The following SIMC1 variants were observed in gnomAD, a reference collection of about 807,000 sequenced individuals.
SIMC1 encodes SUMO-interacting motif-containing protein 1.
In SIMC1, 55 loss-of-function variants were observed where a neutral mutation model predicts 82.3. The observed-to-expected ratio is 0.67, with a 90% CI of 0.54 to 0.84. SIMC1 has a LOEUF of 0.84. SIMC1 is among the 40% of genes least tolerant of loss of function. The pLI, the probability that SIMC1 is intolerant of heterozygous loss-of-function variation, is 0.00. For synonymous variants in SIMC1, 353 were observed against 426.3 expected (o/e 0.83, Z 2.12); for missense variants, 915 against 1,107.2 (o/e 0.83, Z 2.46).
chr5:176,283,291 A>G (rs963875371), intron 1 of SIMC1, among the ~76,000 whole-genome samples: 5 of 152,240 alleles, frequency 3.3e-5, no homozygotes, highest in African/African-American at 4.8e-5. Context: ...TGGGTTACCC[A>G]CAAAGGGAAG....
intron 4 of SIMC1, among the ~76,000 whole-genome samples, chr5:176,306,242 G>A (rs1764374548): frequency 9.9e-6 from 1 of 101,416 alleles, no homozygotes; most frequent in African/African-American, 3.3e-5. Flanking sequence ...CTACTGGGAA[G>A]TGAGGAGCCC....
At chr5:176,281,081 A>G (rs972776816) in intron 1 of SIMC1, among the ~76,000 whole-genome samples, 1 of 152,148 alleles carries the variant, frequency 6.6e-6, no homozygotes, top group African/African-American at 2.4e-5. Flanking sequence ...TCAGACGTAG[A>G]TTTGTTCTTT....
chr5:176,321,139 A>G (rs576868983), intron 5 of SIMC1, among the ~76,000 whole-genome samples: 1 of 152,264 alleles, frequency 6.6e-6, no homozygotes, highest in African/African-American at 2.4e-5. Context: ...TTGCATATAC[A>G]TGTATTCCTA....
chr5:176,252,870 G>A (rs1761727218), intron 1 of SIMC1, among the ~76,000 whole-genome samples: 1 of 152,248 alleles, frequency 6.6e-6, no homozygotes, highest in African/African-American at 2.4e-5. Context: ...GAGTGAACGA[G>A]ACTCCGTCTG....
At chr5:176,306,739 A>C (rs201738558) in intron 4 of SIMC1, among the ~76,000 whole-genome samples, 3 of 150,772 alleles carry the variant, frequency 2.0e-5, no homozygotes, top group Admixed American at 6.7e-5. Context: ...GTCATCACCA[A>C]TCCCTAATCT....
chr5:176,271,942 TATA>T (rs1762452298), intron 1 of SIMC1, among the ~76,000 whole-genome samples: 2 of 139,330 alleles, frequency 1.4e-5, no homozygotes, highest in African/African-American at 2.6e-5. Context: ...TATATACTAT[TATA>T]TATTATATAT....
intron 4 of SIMC1, 55 bp downstream of exon 4, chr5:176,296,375 A>G: frequency 3.7e-6 from 6 of 1,612,900 alleles, no homozygotes; most frequent in Non-Finnish European, 5.1e-6. Context: ...ACTATAAAGA[A>G]AAGTGATATC....
intron 4 of SIMC1, among the ~76,000 whole-genome samples, chr5:176,306,611 A>T (rs1581286273): frequency 6.6e-6 from 1 of 151,242 alleles, no homozygotes; most frequent in East Asian, 2.0e-4. Flanking sequence ...CTGTGACCTT[A>T]CCCCCAACCC....
At chr5:176,264,950 C>G (rs1305510740) in intron 1 of SIMC1, among the ~76,000 whole-genome samples, 2 of 152,134 alleles carry the variant, frequency 1.3e-5, no homozygotes, top group African/African-American at 2.4e-5. Flanking sequence ...GGGAAGATTG[C>G]TTGGGCCCAG....
chr5:176,334,190 TTACTTGTCTGGTAATTTTTA>T (rs1765789534), intron 7 of SIMC1, among the ~76,000 whole-genome samples: 2 of 152,230 alleles, frequency 1.3e-5, no homozygotes, highest in South Asian at 4.1e-4. Flanking sequence ...CCTGCTTTTT[TTACTTGTCTGGTAATTTTTA>T]TTGTGTTCTG....
chr5:176,287,061 G>T (rs1447756056), intron 1 of SIMC1, among the ~76,000 whole-genome samples: 1 of 152,226 alleles, frequency 6.6e-6, no homozygotes, highest in Non-Finnish European at 1.5e-5. Context: ...CATTGTGGAA[G>T]ACAGTGTGGC....
chr5:176,336,666 G>A, intron 7 of SIMC1, 54 bp from the exon 8 acceptor site: 1 of 1,591,960 alleles, frequency 6.3e-7, no homozygotes, highest in Non-Finnish European at 8.6e-7. Context: ...TGTGGCTCAT[G>A]TTCTTTGAAG....
chr5:176,297,718 A>T (rs1057415479), intron 4 of SIMC1, among the ~76,000 whole-genome samples: 7 of 152,148 alleles, frequency 4.6e-5, no homozygotes, highest in Non-Finnish European at 8.8e-5. Context: ...CCAAACTATC[A>T]GTTAAGTGTG....
At chr5:176,297,708 C>T (rs189271444) in intron 4 of SIMC1, among the ~76,000 whole-genome samples, 243 of 152,166 alleles carry the variant, frequency 1.6e-3, no homozygotes, top group Middle Eastern at 6.8e-3. Context: ...CTGTACTTAG[C>T]CAAACTATCA....
intron 4 of SIMC1, among the ~76,000 whole-genome samples, chr5:176,297,784 C>A (rs1227269096): frequency 6.6e-6 from 1 of 152,106 alleles, no homozygotes; most frequent in African/African-American, 2.4e-5. Flanking sequence ...TATCCTCATA[C>A]CCTGTTTCTT....
intron 4 of SIMC1, chr5:176,308,062 G>A: frequency 1.4e-6 from 1 of 718,616 alleles, no homozygotes; most frequent in Non-Finnish European, 2.6e-6. Context: ...GCTGGGCCAA[G>A]ATGGCAGTGC....
intron 1 of SIMC1, among the ~76,000 whole-genome samples, chr5:176,273,833 C>G (rs1334878460): frequency 6.6e-6 from 1 of 151,320 alleles, no homozygotes; most frequent in African/African-American, 2.5e-5. Context: ...AGGACATGAA[C>G]TCCTCATTTT....
chr5:176,308,459 A>G, intron 4 of SIMC1: 1 of 1,608,250 alleles, frequency 6.2e-7, no homozygotes, highest in Non-Finnish European at 8.5e-7. Context: ...TTTGGCCTTC[A>G]CATGTTGATG....
intron 1 of SIMC1, among the ~76,000 whole-genome samples, chr5:176,285,357 C>T (rs1248485980): frequency 6.6e-6 from 1 of 152,142 alleles, no homozygotes; most frequent in Non-Finnish European, 1.5e-5. Context: ...AAATGTAATC[C>T]AGCATATAAA....
Sources: allele counts gnomAD v4.1 joint callset (sites outside exome capture counted in the v4.1 genomes callset), GRCh38; gene constraint gnomAD v4.1.1; transcripts MANE v1.5; gene names NCBI Gene and HGNC (gene_info 2026-07-23, HGNC 2026-07-21).